Variants in PIGB observed in about 807,000 individuals in gnomAD.
PIGB encodes GPI alpha-1,2-mannosyltransferase 3.
PIGB carries 58 observed loss-of-function variants against 68.4 expected under a neutral mutation model. That is an observed-to-expected ratio of 0.85 (90% confidence interval 0.69 to 1.06). The LOEUF is 1.06. Among genes scored for constraint, PIGB ranks in the 50% least tolerant of loss-of-function variants. PIGB has a pLI of 0.00. For missense variants in PIGB, 634 were observed against 655.8 expected, an observed-to-expected ratio of 0.97 and a Z score of 0.36; for synonymous variants, 219 against 220.5, an observed-to-expected ratio of 0.99 and a Z score of 0.06.
intron 9 of PIGB, among the ~76,000 whole-genome samples, chr15:55,347,789 A>G (rs1161098904): frequency 6.6e-6 from 1 of 152,168 alleles, no homozygotes; most frequent in Non-Finnish European, 1.5e-5. Flanking sequence ...TCAGAGAGTT[A>G]AAATCACCAT....
At chr15:55,343,731 T>C (rs975607088) in intron 9 of PIGB, among the ~76,000 whole-genome samples, 2 of 152,142 alleles carry the variant, frequency 1.3e-5, no homozygotes, top group African/African-American at 2.4e-5. Context: ...TCTGTCTACT[T>C]AGAAGGATCC....
chr15:55,319,420 G>A lies in PIGB; in HGVS notation c.163+7G>A. ...AGCGCCAGGCGCCGCGGGGGTGAGT[G>A]AGGGGACACTGTCTGGAGAGCTCCT... On this transcript the variant is annotated splice_region_variant and intron_variant, in intron 1 of 11. Transcript: ENST00000164305. The A allele has an allele frequency of 6.4e-7, 1 of 1,551,126 alleles. No homozygotes were observed. Among genetic ancestry groups the A allele is most frequent in the Non-Finnish European group, 8.7e-7 (1 of 1,146,534 alleles).
intron 4 of PIGB, 146 bp from the exon 5 acceptor site, chr15:55,329,578 G>A (rs575107176): frequency 2.1e-5 from 12 of 563,878 alleles, no homozygotes; most frequent in East Asian, 5.5e-5. Context: ...TAAAAACGAC[G>A]TTTGGGCATG....
At chr15:55,353,991 T>C (rs933213748) in intron 10 of PIGB, among the ~76,000 whole-genome samples, 71 of 113,552 alleles carry the variant, frequency 6.3e-4, no homozygotes, top group African/African-American at 3.9e-3. Flanking sequence ...TTCTCAATCA[T>C]CTTAAATAAA....
At chr15:55,320,799 G>A (rs1415615524) in intron 2 of PIGB, among the ~76,000 whole-genome samples, 1 of 151,892 alleles carries the variant, frequency 6.6e-6, no homozygotes, top group Non-Finnish European at 1.5e-5. Flanking sequence ...AGATAAGGGG[G>A]GACTACTATA....
chr15:55,325,145 G>T (rs1937783110), intron 3 of PIGB, among the ~76,000 whole-genome samples: 1 of 152,050 alleles, frequency 6.6e-6, no homozygotes, highest in Non-Finnish European at 1.5e-5. Context: ...GGCCAACATG[G>T]TGAAACCCCA....
At chr15:55,326,256 T>C (rs2055283285) in intron 3 of PIGB, among the ~76,000 whole-genome samples, 1 of 151,808 alleles carries the variant, frequency 6.6e-6, no homozygotes, top group Admixed American at 6.6e-5. Context: ...TCTTATTTTA[T>C]ATCTTATTAT....
At chr15:55,336,050 T>C (rs999768237) in intron 6 of PIGB, among the ~76,000 whole-genome samples, 2 of 152,140 alleles carry the variant, frequency 1.3e-5, no homozygotes, top group African/African-American at 4.8e-5. Flanking sequence ...GAAAAAGATA[T>C]AACAATACAG....
chr15:55,349,103 G>C (rs2055868592), intron 9 of PIGB, among the ~76,000 whole-genome samples: 1 of 151,826 alleles, frequency 6.6e-6, no homozygotes, highest in African/African-American at 2.4e-5. Context: ...GGCTGGTCTT[G>C]AACTCCTGAC....
intron 3 of PIGB, among the ~76,000 whole-genome samples, chr15:55,322,245 CGT>C (rs1566946506): frequency 6.6e-6 from 1 of 151,992 alleles, no homozygotes; most frequent in East Asian, 1.9e-4. Flanking sequence ...GTAAGAAGAC[CGT>C]GTGATATGAT....
intron 3 of PIGB, 93 bp downstream of exon 3, chr15:55,321,483 G>A (rs1566946121): frequency 1.0e-6 from 1 of 1,003,700 alleles, no homozygotes; most frequent in South Asian, 1.7e-5. Context: ...TATCTGGGAA[G>A]CCCATGATAC....
chr15:55,326,232 AG>A (rs1024009416), intron 3 of PIGB, among the ~76,000 whole-genome samples: 13 of 151,726 alleles, frequency 8.6e-5, no homozygotes, highest in Admixed American at 2.6e-4. Context: ...AAAAAAAAAA[AG>A]TATTTCTTAT....
intron 10 of PIGB, among the ~76,000 whole-genome samples, chr15:55,352,513 G>A (rs796809506): frequency 1.3e-5 from 2 of 152,156 alleles, no homozygotes; most frequent in African/African-American, 4.8e-5. Context: ...CAGGCTGGGC[G>A]TTGTGGCTCA....
At chr15:55,344,713 A>G (rs944046462) in intron 9 of PIGB, among the ~76,000 whole-genome samples, 2 of 152,134 alleles carry the variant, frequency 1.3e-5, no homozygotes, top group Admixed American at 1.3e-4. Context: ...TATCTGTAAA[A>G]GAAAGGTGAT....
intron 3 of PIGB, among the ~76,000 whole-genome samples, chr15:55,322,288 T>C (rs2055186782): frequency 6.6e-6 from 1 of 152,184 alleles, no homozygotes; most frequent in Non-Finnish European, 1.5e-5. Context: ...CTAAACCCAC[T>C]GAGGATTTAG....
chr15:55,330,060 G>T (rs563139538), intron 5 of PIGB, among the ~76,000 whole-genome samples: 3 of 152,212 alleles, frequency 2.0e-5, no homozygotes, highest in South Asian at 2.1e-4. Context: ...ATTTGCAAAG[G>T]TTTAGACAAT....
Position 55,319,272 on chromosome 15 carries a change from T to G in PIGB, c.22T>G (p.Cys8Gly). The G allele has an allele frequency of 6.2e-7, 1 of 1,607,418 alleles. No individual in the cohort carries two copies. Among genetic ancestry groups the G allele is most frequent in the African/African-American group, 1.3e-5 (1 of 74,956 alleles). Residue 8 changes from cysteine to glycine, a missense_variant, in exon 1 of 12, where the codon TGC becomes GGC. Coordinates refer to ENST00000164305, the MANE Select transcript of PIGB (RefSeq NM_004855.5). ...AGGGATGAGGAGGCCCCTAAGCAAG[T>G]GCGGAATGGAGCCGGGGGGCGGAGA... MRRPLSK[C>G]GMEPGGGDAS... is the part of the protein sequence containing the mutation.
intron 9 of PIGB, among the ~76,000 whole-genome samples, chr15:55,345,191 C>T (rs1249945089): frequency 1.3e-5 from 2 of 151,884 alleles, no homozygotes; most frequent in Non-Finnish European, 2.9e-5. Flanking sequence ...CAGCTGGCCC[C>T]ATATTCTAAT....
At chr15:55,345,070 A>G (rs978672185) in intron 9 of PIGB, among the ~76,000 whole-genome samples, 57 of 151,266 alleles carry the variant, frequency 3.8e-4, no homozygotes, top group Non-Finnish European at 4.4e-5. Flanking sequence ...TAATTTTTGT[A>G]TTTTTAGTTG....
Sources: allele counts gnomAD v4.1 joint callset (sites outside exome capture counted in the v4.1 genomes callset), GRCh38; gene constraint gnomAD v4.1.1; transcripts MANE v1.5; gene names NCBI Gene and HGNC (gene_info 2026-07-23, HGNC 2026-07-21).